Variants in NEDD4 observed in about 807,000 individuals in gnomAD.
NEDD4 encodes the protein NEDD4 E3 ubiquitin protein ligase.
Under a neutral mutation model 144.9 loss-of-function variants are expected in NEDD4, and 99 were observed. That is an observed-to-expected ratio of 0.68 (90% confidence interval 0.58 to 0.81). The LOEUF (loss-of-function observed/expected upper bound fraction) is 0.81. Ranked by LOEUF, NEDD4 falls within the 30% of genes least tolerant of loss-of-function variation. The probability of loss-of-function intolerance (pLI) is 0.00; values close to 1 mark genes in which losing one functional copy is unlikely to be tolerated. For missense variants in NEDD4, 985 were observed against 1,065.9 expected, an observed-to-expected ratio of 0.92 and a Z score of 1.06; for synonymous variants, 318 against 350.6, an observed-to-expected ratio of 0.91 and a Z score of 1.04.
intron 11 of NEDD4, 59 bp from the exon 12 acceptor site, chr15:55,856,255 G>A (rs1424184285): frequency 6.9e-7 from 1 of 1,442,934 alleles, no homozygotes; most frequent in African/African-American, 1.4e-5. Flanking sequence ...GCCTTTGAGT[G>A]ACAGCTAAGG....
rs2033935933 is a variant in NEDD4 at position 55,850,394 on chromosome 15, C to G, written c.1347+148G>C. The stretch of plus-strand genomic sequence containing the variant: ...AGACGCATAAGCATTCTCCTGAATA[C>G]AAATAATATTATTAAGAATTCAATA... On this transcript the variant is annotated intron_variant, in intron 14 of 28. Transcript: ENST00000435532. The G allele has an allele frequency of 6.7e-6, 5 of 745,950 alleles. No individual in the cohort carries two copies. In the Admixed American group the frequency reaches 1.3e-4, roughly 19 times the overall value. The allele number at this position is 745,950 out of a possible 1,614,324, so 46.2% of individuals were successfully genotyped here.
intron 2 of NEDD4, among the ~76,000 whole-genome samples, chr15:55,962,724 G>T (rs1192307081): frequency 6.6e-6 from 1 of 151,988 alleles, no homozygotes; most frequent in African/African-American, 2.4e-5. Flanking sequence ...GATTACAAGG[G>T]TGAGCCACCG....
chr15:55,873,394 A>T (rs1040528663), intron 6 of NEDD4, among the ~76,000 whole-genome samples: 5 of 152,138 alleles, frequency 3.3e-5, no homozygotes, highest in African/African-American at 7.2e-5. Flanking sequence ...CCAAAAATAA[A>T]TTTTTTGCTT....
intron 1 of NEDD4, among the ~76,000 whole-genome samples, chr15:55,990,867 A>T (rs566676679): frequency 6.6e-6 from 1 of 152,370 alleles, no homozygotes; most frequent in Admixed American, 6.5e-5. Context: ...GGTATAAATT[A>T]TACTACACTT....
intron 5 of NEDD4, among the ~76,000 whole-genome samples, chr15:55,906,529 G>A (rs1336462984): frequency 1.3e-5 from 2 of 151,736 alleles, no homozygotes; most frequent in African/African-American, 2.4e-5. Context: ...AACTATCGCA[G>A]GGACAAAAAA....
chr15:55,880,730 G>A (rs1301997692), intron 5 of NEDD4, among the ~76,000 whole-genome samples: 1 of 152,114 alleles, frequency 6.6e-6, no homozygotes, highest in Non-Finnish European at 1.5e-5. Flanking sequence ...CACCTAGAGA[G>A]CAACCAGTGC....
chr15:55,986,183 T>A (rs1276863762), intron 1 of NEDD4, among the ~76,000 whole-genome samples: 7 of 152,134 alleles, frequency 4.6e-5, no homozygotes, highest in African/African-American at 1.7e-4. Context: ...GAATGCCAAC[T>A]AACAGAGATG....
intron 7 of NEDD4, among the ~76,000 whole-genome samples, chr15:55,872,068 C>T (rs533248738): frequency 5.2e-4 from 79 of 152,030 alleles, no homozygotes; most frequent in South Asian, 1.0e-3. Context: ...GCTTTGTGCA[C>T]GTCGAGTTAG....
At position 55,842,076 on chromosome 15, in the gene NEDD4, C is replaced by T. The variant is rs750483763; in HGVS notation, c.1696G>A (p.Ala566Thr). 76 of 1,614,094 alleles carry T rather than the reference C, an allele frequency of 4.7e-5. 1 individual carries two copies. Among genetic ancestry groups the T allele is most frequent in the Admixed American group, 3.0e-4 (18 of 60,006 alleles). ...SYRRIMGVKRADFLKARLWIE... is the reference protein window; with the variant it reads ...SYRRIMGVKRTDFLKARLWIE... ...CACAGTCGAGCCTTCAGGAAGTCTG[C>T]TCTCTTGACACCCATAATTCTCCGG... The change falls in exon 19 of 29, where the codon GCA (alanine) becomes ACA (threonine). Residue 566 changes from alanine (A) to threonine (T), a missense_variant. Ala to Thr is a moderately conservative substitution (Grantham distance 58). Coordinates refer to ENST00000435532, the MANE Select transcript of NEDD4 (RefSeq NM_006154.4).
chr15:55,932,269 T>C (rs1302876068), intron 4 of NEDD4, among the ~76,000 whole-genome samples: 4 of 152,114 alleles, frequency 2.6e-5, no homozygotes, highest in South Asian at 2.1e-4. Flanking sequence ...CTTCAAACTA[T>C]ACTACAAGGA....
rs1030102795 is a variant in NEDD4, at chr15:55,828,238, C to G, written c.*1659G>C. 1.5e-4 allele frequency: 23 copies of G among 152,126 alleles called. 1 individual carries two copies. Among genetic ancestry groups the G allele is most frequent in the Admixed American group, 6.5e-5 (1 of 15,278 alleles). 9.4% of individuals were successfully genotyped at this position (152,126 alleles called of 1,614,324 possible). A position where few individuals can be genotyped will look rare whatever the true frequency, so the allele number is the denominator to read the frequency against. On this transcript the variant is annotated 3_prime_UTR_variant, in exon 29 of 29. Coordinates refer to ENST00000435532, the MANE Select transcript of NEDD4 (RefSeq NM_006154.4). The stretch of plus-strand genomic sequence containing the variant: ...AATGAGTACTCATCATGTTATACCC[C>G]AACAAACTTAAACCAAGAACCAGAG...
intron 4 of NEDD4, among the ~76,000 whole-genome samples, chr15:55,942,531 CCTT>C (rs1433791894): frequency 2.6e-5 from 4 of 152,144 alleles, no homozygotes; most frequent in Non-Finnish European, 4.4e-5. Context: ...TTCTCCTCCT[CCTT>C]CTCTGGCCAT....
At chr15:55,840,418 C>T (rs11858692) in intron 21 of NEDD4, 29 bp downstream of exon 21, 374,326 of 1,566,268 alleles carry the variant, frequency 0.24, 45,925 homozygotes, top group Non-Finnish European at 0.25. Flanking sequence ...AATTATACTT[C>T]GTCTATACTA....
At chr15:55,866,827 C>A (rs1206964134) in intron 8 of NEDD4, among the ~76,000 whole-genome samples, 1 of 152,086 alleles carries the variant, frequency 6.6e-6, no homozygotes. Context: ...GGATACAATG[C>A]CTCTATACAG....
chr15:55,896,976 T>C (rs2035757940), intron 5 of NEDD4, among the ~76,000 whole-genome samples: 1 of 152,082 alleles, frequency 6.6e-6, no homozygotes, highest in Admixed American at 6.6e-5. Flanking sequence ...ATATGATTAT[T>C]GACATGGCTT....
At position 55,838,596 on chromosome 15, in the gene NEDD4, T is replaced by C; in HGVS notation, c.2040A>G (p.Glu680=). Residue 680 remains glutamate, a synonymous_variant, in exon 22 of 29, where the codon GAA becomes GAG. Transcript: ENST00000435532. ...TLHDMESVDS[E]YYNSLRWILE... The stretch of plus-strand genomic sequence containing the variant: ...GAATCCATCTTAGGGAATTGTAATA[T>C]TCACTATCCTAGATGGGAAAAATTA... 4 of 1,606,328 alleles carry C rather than the reference T, an allele frequency of 2.5e-6. No homozygotes were observed. The highest frequency in any genetic ancestry group is 1.3e-5 in the African/African-American group (1 of 74,908).
intron 1 of NEDD4, among the ~76,000 whole-genome samples, chr15:55,985,130 C>T (rs1021193823): frequency 3.9e-5 from 6 of 152,230 alleles, no homozygotes; most frequent in Non-Finnish European, 8.8e-5. Flanking sequence ...TATACCCCTG[C>T]TCACCCTAAA....
intron 4 of NEDD4, among the ~76,000 whole-genome samples, chr15:55,945,557 G>C (rs1014601134): frequency 6.6e-6 from 1 of 152,122 alleles, no homozygotes; most frequent in South Asian, 2.1e-4. Context: ...AAGTGACAGG[G>C]AGAATGGAAC....
chr15:55,931,710 G>A (rs1336592847), intron 4 of NEDD4, among the ~76,000 whole-genome samples: 1 of 152,186 alleles, frequency 6.6e-6, no homozygotes, highest in Non-Finnish European at 1.5e-5. Context: ...AATTCTGCCA[G>A]TGGTTGTGGG....
Sources: allele counts gnomAD v4.1 joint callset (sites outside exome capture counted in the v4.1 genomes callset), GRCh38; gene constraint gnomAD v4.1.1; transcripts MANE v1.5; gene names NCBI Gene and HGNC (gene_info 2026-07-23, HGNC 2026-07-21).